BMERB1: variants seen among roughly 807,000 people sequenced by gnomAD.
The protein encoded by BMERB1 is bMERB domain containing 1.
Under a neutral mutation model 23.6 loss-of-function variants are expected in BMERB1, and 12 were observed. The observed-to-expected ratio is 0.51, with a 90% CI of 0.33 to 0.82. The LOEUF (loss-of-function observed/expected upper bound fraction) is 0.82. Ranked by LOEUF, BMERB1 falls within the 40% of genes least tolerant of loss-of-function variation. The probability of loss-of-function intolerance (pLI) is 0.03; values close to 1 mark genes in which losing one functional copy is unlikely to be tolerated. For missense variants in BMERB1, 247 were observed against 255.4 expected, an observed-to-expected ratio of 0.97 and a Z score of 0.22; for synonymous variants, 122 against 96.6, an observed-to-expected ratio of 1.26 and a Z score of -1.54.
chr16:15,555,074 C>T (rs566590938), intron 2 of BMERB1, among the ~76,000 whole-genome samples: 99 of 152,236 alleles, frequency 6.5e-4, no homozygotes, highest in African/African-American at 2.1e-3. Context: ...TGGAAACCCA[C>T]GTCAAGAAAA....
At chr16:15,451,365 T>C (rs1475951448) in intron 1 of BMERB1, among the ~76,000 whole-genome samples, 10 of 151,836 alleles carry the variant, frequency 6.6e-5, no homozygotes, top group Admixed American at 6.6e-4. Flanking sequence ...TAATTTTTAG[T>C]AGAGATGGGG....
At chr16:15,578,061 T>TA (rs2030914837) in intron 3 of BMERB1, among the ~76,000 whole-genome samples, 1 of 152,184 alleles carries the variant, frequency 6.6e-6, no homozygotes, top group Non-Finnish European at 1.5e-5. Context: ...TGGCATTCCT[T>TA]GGGGGGGAAA....
At chr16:15,483,268 G>A (rs749566943) in intron 1 of BMERB1, among the ~76,000 whole-genome samples, 2 of 152,188 alleles carry the variant, frequency 1.3e-5, no homozygotes, top group Non-Finnish European at 2.9e-5. Flanking sequence ...ATTCCTCTAG[G>A]AAGAACATGG....
At chr16:15,532,178 A>T (rs1034473046) in intron 2 of BMERB1, among the ~76,000 whole-genome samples, 1 of 151,972 alleles carries the variant, frequency 6.6e-6, no homozygotes, top group African/African-American at 2.4e-5. Context: ...TCAATCCAAG[A>T]CATTCCTGGT....
At chr16:15,568,832 A>G (rs1309650527) in intron 3 of BMERB1, among the ~76,000 whole-genome samples, 2 of 152,116 alleles carry the variant, frequency 1.3e-5, no homozygotes, top group Non-Finnish European at 2.9e-5. Flanking sequence ...GTAGTTAATA[A>G]TGCCTGACTT....
chr16:15,515,773 T>G (rs1057001401), intron 2 of BMERB1, among the ~76,000 whole-genome samples: 3 of 152,148 alleles, frequency 2.0e-5, no homozygotes, highest in Admixed American at 6.5e-5. Flanking sequence ...GGCCTGAGTT[T>G]TTTTTAAGCC....
chr16:15,550,627 C>T (rs999449477), intron 2 of BMERB1, among the ~76,000 whole-genome samples: 33 of 152,060 alleles, frequency 2.2e-4, no homozygotes, highest in East Asian at 5.8e-4. Flanking sequence ...CATGAGCCAC[C>T]GCGCCCGGCC....
chr16:15,453,281 A>ATGTCATTT (rs1382023782), intron 1 of BMERB1, among the ~76,000 whole-genome samples: 11 of 152,226 alleles, frequency 7.2e-5, no homozygotes, highest in African/African-American at 1.2e-4. Flanking sequence ...AAAGTTATAA[A>ATGTCATTT]AGAGGGCAAA....
intron 2 of BMERB1, among the ~76,000 whole-genome samples, chr16:15,547,101 C>T (rs1327790096): frequency 6.6e-6 from 1 of 151,414 alleles, no homozygotes; most frequent in African/African-American, 2.4e-5. Context: ...CAACCTCTGC[C>T]TCCTAGGTTC....
At chr16:15,490,866 A>G (rs1167109452) in intron 1 of BMERB1, among the ~76,000 whole-genome samples, 1 of 152,098 alleles carries the variant, frequency 6.6e-6, no homozygotes, top group Non-Finnish European at 1.5e-5. Flanking sequence ...TATTTGAGAC[A>G]GGGTCTTGCT....
intron 1 of BMERB1, among the ~76,000 whole-genome samples, chr16:15,447,711 A>G (rs544964571): frequency 2.0e-5 from 3 of 152,216 alleles, no homozygotes; most frequent in Non-Finnish European, 2.9e-5. Context: ...CTCAAGGAAG[A>G]ATGGAGGTGA....
At chr16:15,534,596 A>ATAT (rs1341989034) in intron 2 of BMERB1, among the ~76,000 whole-genome samples, 1 of 152,158 alleles carries the variant, frequency 6.6e-6, no homozygotes, top group East Asian at 1.9e-4. Context: ...CGTGGTATCC[A>ATAT]TATGGCCATA....
At chr16:15,581,086 G>GT (rs2031002707) in intron 3 of BMERB1, 131 bp from the exon 4 acceptor site, 1 of 624,186 alleles carries the variant, frequency 1.6e-6, no homozygotes, top group African/African-American at 1.9e-5. Flanking sequence ...GCTAATTTTT[G>GT]TATTTTTGGT....
chr16:15,573,057 A>C (rs539606606), intron 3 of BMERB1, among the ~76,000 whole-genome samples: 1 of 152,292 alleles, frequency 6.6e-6, no homozygotes, highest in South Asian at 2.1e-4. Flanking sequence ...AGTTGCGGGT[A>C]TGTTTTTATC....
In BMERB1 at chr16:15,560,952, C is replaced by CTTTTTTT. The variant is rs1166759122; in HGVS notation, c.231-7015_231-7009dup. ...TTTCTCTTTCCTTTTTTCTCTGCTG[C>CTTTTTTT]TTTTTTTTTTTTTTTTTTTTTTGAG... is the stretch of plus-strand genomic sequence containing the variant. On this transcript the variant is annotated intron_variant, in intron 2 of 5. Coordinates refer to ENST00000300006, the MANE Select transcript of BMERB1 (RefSeq NM_033201.3). 5.2e-4 allele frequency among the ~76,000 whole-genome samples: 55 copies of CTTTTTTT among 106,638 alleles called. 2 individuals are homozygous for CTTTTTTT. Among genetic ancestry groups the CTTTTTTT allele is most frequent in the African/African-American group, 1.8e-3 (44 of 24,542 alleles). The allele number at this position is 106,638 out of a possible 152,430, so 70.0% of individuals were successfully genotyped here.
At chr16:15,473,989 A>G (rs1307996249) in intron 1 of BMERB1, among the ~76,000 whole-genome samples, 2 of 151,998 alleles carry the variant, frequency 1.3e-5, no homozygotes. Context: ...GCGTGGTGGC[A>G]GGTGCCTATA....
intron 2 of BMERB1, among the ~76,000 whole-genome samples, chr16:15,559,909 T>C (rs904310971): frequency 6.6e-5 from 10 of 151,936 alleles, no homozygotes; most frequent in Non-Finnish European, 1.0e-4. Context: ...AATACACTTA[T>C]AGTAACAATA....
intron 1 of BMERB1, among the ~76,000 whole-genome samples, chr16:15,453,878 TAAAATA>T (rs1188462936): frequency 6.6e-6 from 1 of 151,640 alleles, no homozygotes; most frequent in Admixed American, 6.6e-5. Flanking sequence ...GTCTCAAAAA[TAAAATA>T]AAATAAAGCA....
At chr16:15,569,316 C>T (rs898136748) in intron 3 of BMERB1, among the ~76,000 whole-genome samples, 2 of 152,180 alleles carry the variant, frequency 1.3e-5, no homozygotes, top group African/African-American at 2.4e-5. Flanking sequence ...GGTGTCTGCT[C>T]AGCTGCTGGA....
Sources: gnomAD v4.1 joint callset for allele counts (sites outside exome capture counted in the v4.1 genomes callset) on GRCh38, gnomAD v4.1.1 for gene constraint, MANE v1.5 for transcripts, NCBI Gene and HGNC (gene_info 2026-07-23, HGNC 2026-07-21) for gene names.